Variants in DNAH17 observed in about 807,000 individuals in gnomAD.
DNAH17 encodes the protein axonemal beta dynein heavy chain 17.
Under a neutral mutation model 485.6 loss-of-function variants are expected in DNAH17, and 376 were observed. The observed-to-expected ratio is 0.77, with a 90% confidence interval of 0.71 to 0.84. DNAH17 has a LOEUF of 0.84. Among genes scored for constraint, DNAH17 ranks in the 40% least tolerant of loss-of-function variants. The pLI, the probability that DNAH17 is intolerant of heterozygous loss-of-function variation, is 0.00. For synonymous variants in DNAH17, 3,031 were observed against 2,405.9 expected (o/e 1.26, Z -7.60); for missense variants, 6,370 against 5,839.3 (o/e 1.09, Z -2.96).
At position 78,458,591 on chromosome 17, in the gene DNAH17, C is replaced by T. The variant is rs368551814; in HGVS notation, c.9951G>A (p.Thr3317=). ...KIKCQQEADA[T]NRVILLANRL... is the part of the protein sequence containing the mutation. ...TGTTCGCCAGTAAGATCACCCTGTT[C>T]GTGGCATCGGCCTCTTGCTGACACT... Residue 3317 remains threonine (T), a synonymous_variant, in exon 62 of 81, where the codon ACG becomes ACA. Coordinates refer to ENST00000389840, the MANE Select transcript of DNAH17 (RefSeq NM_173628.4). 2,789 of 1,613,918 alleles carry T rather than the reference C, an allele frequency of 1.7e-3. 61 individuals carry two copies. The South Asian group carries it at 0.028, about 16-fold the overall frequency.
intron 14 of DNAH17, among the ~76,000 whole-genome samples, chr17:78,556,980 G>A (rs2092037682): frequency 6.6e-6 from 1 of 152,176 alleles, no homozygotes. Context: ...CTCGTGCCAG[G>A]AAGGAGGTGC....
chr17:78,574,671 G>C (rs752483024), intron 2 of DNAH17, 42 bp downstream of exon 2: 20 of 1,531,110 alleles, frequency 1.3e-5, no homozygotes, highest in Non-Finnish European at 1.7e-5. Context: ...CCGAGAAGTC[G>C]GTCGTGCTCG....
At chr17:78,530,597 T>C in intron 20 of DNAH17, 85 bp from the exon 21 acceptor site, 3 of 1,429,880 alleles carry the variant, frequency 2.1e-6, no homozygotes, top group Non-Finnish European at 2.8e-6. Context: ...AGGGCCTTCC[T>C]GCACTGCACC....
intron 19 of DNAH17, among the ~76,000 whole-genome samples, chr17:78,534,098 T>C (rs868191440): frequency 6.6e-6 from 1 of 152,218 alleles, no homozygotes; most frequent in Non-Finnish European, 1.5e-5. Flanking sequence ...TCTGGGGGCA[T>C]GCATATGCAA....
chr17:78,552,832 T>C (rs1315019038), intron 14 of DNAH17, 27 bp from the exon 15 acceptor site: 1 of 1,515,554 alleles, frequency 6.6e-7, no homozygotes, highest in Non-Finnish European at 9.2e-7. Context: ...ACAGGTTTTG[T>C]TCCGAGTCCA....
In DNAH17 at chr17:78,551,739, G is replaced by C. The variant is rs540810435; in HGVS notation, c.2288-101C>G. On this transcript the variant is annotated intron_variant, in intron 15 of 80. Transcript: ENST00000389840. ...AGCCCTTTGGGAGGTCAGGGCAGGC[G>C]AATCACGAGGTCGGGAGTTCGAGAC... The C allele has an allele frequency of 7.2e-5, 79 of 1,100,200 alleles. No homozygotes were observed. In the African/African-American group the frequency reaches 1.1e-3, roughly 15 times the overall value. The allele number at this position is 1,100,200 out of a possible 1,614,324, so 68.2% of individuals were successfully genotyped here.
intron 44 of DNAH17, among the ~76,000 whole-genome samples, chr17:78,487,813 C>T (rs993230839): frequency 6.6e-6 from 1 of 152,104 alleles, no homozygotes; most frequent in African/African-American, 2.4e-5. Flanking sequence ...ACATGAGGCA[C>T]TGTGCTTGGC....
At chr17:78,464,678 C>G (rs1429116596) in intron 56 of DNAH17, among the ~76,000 whole-genome samples, 3 of 152,342 alleles carry the variant, frequency 2.0e-5, no homozygotes, top group Non-Finnish European at 4.4e-5. Context: ...CAAATACAGG[C>G]TTTCCAGCCA....
chr17:78,491,798 C>A (rs760599035), intron 42 of DNAH17, among the ~76,000 whole-genome samples: 3 of 152,196 alleles, frequency 2.0e-5, no homozygotes, highest in Non-Finnish European at 4.4e-5. Context: ...CTCCTCCGAC[C>A]CTGCACCCTC....
At chr17:78,464,395 G>T (rs950658246) in intron 56 of DNAH17, among the ~76,000 whole-genome samples, 1 of 152,186 alleles carries the variant, frequency 6.6e-6, no homozygotes. Flanking sequence ...GAGTAGCTAG[G>T]ATTACAGGCA....
At chr17:78,458,749 A>C (rs1460353363) in intron 61 of DNAH17, 69 bp from the exon 62 acceptor site, 12 of 1,393,808 alleles carry the variant, frequency 8.6e-6, no homozygotes, top group Non-Finnish European at 1.2e-5. Context: ...CAGCGGCAGC[A>C]GGGCTGGGCC....
intron 25 of DNAH17, among the ~76,000 whole-genome samples, chr17:78,516,774 G>C (rs998324901): frequency 1.3e-5 from 2 of 150,726 alleles, no homozygotes; most frequent in African/African-American, 4.9e-5. Flanking sequence ...CCTTCAATTT[G>C]TACCTTCTGT....
Position 78,495,992 on chromosome 17 carries a change from G to A in DNAH17, c.5786C>T (p.Ala1929Val). Residue 1929 changes from alanine to valine, a missense_variant, in exon 38 of 81, where the codon GCA becomes GTA. Coordinates refer to ENST00000389840, the MANE Select transcript of DNAH17 (RefSeq NM_173628.4). ...TATGATCTCTCCCAGGAAATTGAAT[G>A]CTTTTTTCTTGGCCCGAATTGCATC... is the stretch of plus-strand genomic sequence containing the variant. ...VQDAIRAKKK[A>V]FNFLGEIIGL... 1.2e-6 allele frequency: 2 copies of A among 1,613,934 alleles called. No homozygotes were observed. The highest frequency in any genetic ancestry group is 1.7e-6 in the Non-Finnish European group (2 of 1,179,840).
intron 17 of DNAH17, among the ~76,000 whole-genome samples, chr17:78,541,381 ATGGATGGATGGATGGATGGGTGGATGGT>A (rs376183569): frequency 2.0e-5 from 3 of 146,512 alleles, no homozygotes; most frequent in African/African-American, 7.6e-5. Context: ...GTGTAAGTGG[ATGGATGGATGGATGGATGGGTGGATGGT>A]TGGATGGATG....
chr17:78,510,750 G>GCCCCCCCCCCCC (rs2090612882), intron 26 of DNAH17: 2 of 306,164 alleles, frequency 6.5e-6, no homozygotes, highest in African/African-American at 1.1e-4. Flanking sequence ...GCGGAATTGC[G>GCCCCCCCCCCCC]GCCCCCCCGC....
At chr17:78,487,882 T>TA (rs990133684) in intron 44 of DNAH17, among the ~76,000 whole-genome samples, 7 of 152,138 alleles carry the variant, frequency 4.6e-5, no homozygotes, top group Non-Finnish European at 7.4e-5. Context: ...CCTGAACCTC[T>TA]ATCACAAGAG....
intron 51 of DNAH17, among the ~76,000 whole-genome samples, chr17:78,477,996 CCACCATCATCACCATCATCACCAT>C (rs2089129800): frequency 2.3e-5 from 3 of 131,918 alleles, no homozygotes; most frequent in African/African-American, 1.1e-4. Context: ...ACCATCACCA[CCACCATCATCACCATCATCACCAT>C]CACCACCACC....
At chr17:78,526,529 C>G in intron 24 of DNAH17, 122 bp downstream of exon 24, 1 of 790,718 alleles carries the variant, frequency 1.3e-6, no homozygotes, top group Non-Finnish European at 2.0e-6. Flanking sequence ...AGCACTCGTG[C>G]ACGGCCCCAA....
At chr17:78,547,611 A>G (rs1226441858) in intron 16 of DNAH17, among the ~76,000 whole-genome samples, 1 of 127,856 alleles carries the variant, frequency 7.8e-6, no homozygotes, top group East Asian at 2.3e-4. Context: ...ATCTTTGTTC[A>G]TTACTATTTT....
Sources: gnomAD v4.1 joint callset for allele counts (sites outside exome capture counted in the v4.1 genomes callset) on GRCh38, gnomAD v4.1.1 for gene constraint, MANE v1.5 for transcripts, NCBI Gene and HGNC (gene_info 2026-07-23, HGNC 2026-07-21) for gene names.